The following RBM47 variants were observed in gnomAD, a reference collection of about 807,000 sequenced individuals.
RBM47 encodes RNA binding motif protein 47.
Under a neutral mutation model 47.1 loss-of-function variants are expected in RBM47, and 21 were observed. That is an observed-to-expected ratio of 0.45 (90% confidence interval 0.32 to 0.64). The LOEUF (loss-of-function observed/expected upper bound fraction) is 0.64. Ranked by LOEUF, RBM47 falls within the 30% of genes least tolerant of loss-of-function variation. The probability of loss-of-function intolerance (pLI) is 0.05; values close to 1 mark genes in which losing one functional copy is unlikely to be tolerated. For synonymous variants in RBM47, 375 were observed against 361.7 expected, an observed-to-expected ratio of 1.04 and a Z score of -0.42; for missense variants, 708 against 870.9, an observed-to-expected ratio of 0.81 and a Z score of 2.35.
chr4:40,593,813 G>C (rs1304694332), intron 1 of RBM47, among the ~76,000 whole-genome samples: 1 of 151,770 alleles, frequency 6.6e-6, no homozygotes, highest in East Asian at 1.9e-4. Flanking sequence ...GAACCTGGGA[G>C]GCAGAGCTTG....
chr4:40,535,189 A>T (rs970147630), intron 2 of RBM47, among the ~76,000 whole-genome samples: 1 of 152,128 alleles, frequency 6.6e-6, no homozygotes, highest in Non-Finnish European at 1.5e-5. Context: ...CCCTCAGTAA[A>T]TGTAAATCAT....
chr4:40,569,193 G>T (rs901651813), intron 1 of RBM47, among the ~76,000 whole-genome samples: 1 of 151,872 alleles, frequency 6.6e-6, no homozygotes, highest in African/African-American at 2.4e-5. Flanking sequence ...AGAGCCAGAA[G>T]AAATACAGGA....
At chr4:40,562,500 G>C (rs1273723008) in intron 1 of RBM47, among the ~76,000 whole-genome samples, 1 of 115,976 alleles carries the variant, frequency 8.6e-6, no homozygotes, top group Non-Finnish European at 1.7e-5. Context: ...TCTCACTCTT[G>C]TGTCACCCAG....
intron 1 of RBM47, among the ~76,000 whole-genome samples, chr4:40,614,841 A>T (rs1349932065): frequency 2.0e-5 from 3 of 152,032 alleles, no homozygotes; most frequent in Non-Finnish European, 4.4e-5. Context: ...TCACACACAC[A>T]TACACAAAAG....
intron 6 of RBM47, chr4:40,426,750 T>C (rs900321311): frequency 2.6e-5 from 4 of 152,434 alleles, no homozygotes; most frequent in Admixed American, 6.5e-5. Context: ...TGTATTTTTT[T>C]ATTGTTGTAT....
chr4:40,566,243 T>C (rs1273896689), intron 1 of RBM47, among the ~76,000 whole-genome samples: 1 of 152,168 alleles, frequency 6.6e-6, no homozygotes, highest in Non-Finnish European at 1.5e-5. Flanking sequence ...CCGCCCAGAC[T>C]TGACCTTCAG....
chr4:40,525,553 A>T (rs1309656315), intron 2 of RBM47, among the ~76,000 whole-genome samples: 1 of 152,202 alleles, frequency 6.6e-6, no homozygotes, highest in African/African-American at 2.4e-5. Flanking sequence ...GGCACACTGG[A>T]TTATTCTAAA....
chr4:40,599,668 A>G (rs1735064622), intron 1 of RBM47, among the ~76,000 whole-genome samples: 1 of 151,850 alleles, frequency 6.6e-6, no homozygotes, highest in African/African-American at 2.4e-5. Context: ...CGTTCCTGCC[A>G]AGGTGTCAGG....
intron 1 of RBM47, among the ~76,000 whole-genome samples, chr4:40,596,979 G>A (rs540310084): frequency 5.3e-5 from 8 of 152,130 alleles, no homozygotes; most frequent in African/African-American, 7.2e-5. Flanking sequence ...TTAATTTATC[G>A]GCCGGGCGCG....
chr4:40,459,669 T>C (rs1716812429), intron 3 of RBM47, among the ~76,000 whole-genome samples: 1 of 152,248 alleles, frequency 6.6e-6, no homozygotes, highest in Non-Finnish European at 1.5e-5. Context: ...TGGTGGTATT[T>C]CTGCATGGCC....
At chr4:40,619,019 G>T (rs1737007616) in intron 1 of RBM47, among the ~76,000 whole-genome samples, 1 of 151,860 alleles carries the variant, frequency 6.6e-6, no homozygotes, top group Non-Finnish European at 1.5e-5. Context: ...ACCACATCTT[G>T]CTATTTCTGC....
At chr4:40,428,146 T>C (rs1356506668) in intron 6 of RBM47, among the ~76,000 whole-genome samples, 1 of 152,100 alleles carries the variant, frequency 6.6e-6, no homozygotes, top group Non-Finnish European at 1.5e-5. Context: ...TGAGCTGGGA[T>C]CATACCACTG....
At chr4:40,570,553 G>A (rs1011015209) in intron 1 of RBM47, among the ~76,000 whole-genome samples, 30 of 152,004 alleles carry the variant, frequency 2.0e-4, no homozygotes, top group Admixed American at 7.9e-4. Flanking sequence ...TGGCTCACCC[G>A]CTGCTCATCT....
chr4:40,519,999 T>A (rs1224040277), intron 2 of RBM47, among the ~76,000 whole-genome samples: 1 of 144,616 alleles, frequency 6.9e-6, no homozygotes, highest in African/African-American at 2.5e-5. Flanking sequence ...ATTAAGATCA[T>A]CTCTACTGCT....
chr4:40,553,164 A>C, intron 1 of RBM47, among the ~76,000 whole-genome samples: 1 of 149,022 alleles, frequency 6.7e-6, no homozygotes, highest in Non-Finnish European at 1.5e-5. Context: ...TTAATATGGA[A>C]TACTTCATGA....
At chr4:40,454,129 C>T (rs537699535) in intron 3 of RBM47, among the ~76,000 whole-genome samples, 12 of 152,200 alleles carry the variant, frequency 7.9e-5, no homozygotes, top group East Asian at 1.9e-4. Context: ...TTTATGGGGA[C>T]GGTGGCAGAG....
At chr4:40,627,583 A>G (rs534405173) in intron 1 of RBM47, among the ~76,000 whole-genome samples, 1 of 152,384 alleles carries the variant, frequency 6.6e-6, no homozygotes, top group East Asian at 1.9e-4. Flanking sequence ...TTTGAAAAGC[A>G]AATTAAATCC....
In RBM47 at chr4:40,438,810, G is replaced by T. The variant is rs760688634; in HGVS notation, c.84C>A (p.Gly28=). 3 of 1,544,524 alleles carry T rather than the reference G, an allele frequency of 1.9e-6. No homozygotes were observed. Among genetic ancestry groups the T allele is most frequent in the African/African-American group, 2.7e-5 (2 of 73,786 alleles). Residue 28 remains glycine (G), a synonymous_variant, in exon 4 of 7, where the codon GGC becomes GGA. Transcript: ENST00000295971. ...SSAKVPEGVA[G]APNEAALLAL... ...CCAGCAGTGCTGCCTCGTTGGGCGC[G>T]CCCGCCACGCCCTCGGGCACCTTGG...
intron 2 of RBM47, among the ~76,000 whole-genome samples, chr4:40,532,624 T>A (rs1355968081): frequency 6.6e-6 from 1 of 151,238 alleles, no homozygotes; most frequent in African/African-American, 2.4e-5. Flanking sequence ...TTAAAAAAAA[T>A]ATTATTCTTT....
Sources: allele counts gnomAD v4.1 joint callset (sites outside exome capture counted in the v4.1 genomes callset), GRCh38; gene constraint gnomAD v4.1.1; transcripts MANE v1.5; gene names NCBI Gene and HGNC (gene_info 2026-07-23, HGNC 2026-07-21).